The following PDRG1 variants were observed in gnomAD, a reference collection of about 807,000 sequenced individuals.
The protein encoded by PDRG1 is p53 and DNA damage regulated 1, also known as p53 and DNA damage-regulated protein 1.
PDRG1 carries 14 observed loss-of-function variants against 18.4 expected under a neutral mutation model. That is an observed-to-expected ratio of 0.76 (90% confidence interval 0.50 to 1.19). The LOEUF (loss-of-function observed/expected upper bound fraction) is 1.19, where lower values mean the gene tolerates loss of function less well. PDRG1 is among the 50% of genes most tolerant of loss of function. PDRG1 has a pLI of 0.00. For missense variants in PDRG1, 177 were observed against 160.1 expected, an observed-to-expected ratio of 1.11 and a Z score of -0.57; for synonymous variants, 65 against 60.9, an observed-to-expected ratio of 1.07 and a Z score of -0.31.
At chr20:31,950,435 G>T in intron 1 of PDRG1, 48 bp from the exon 2 acceptor site, 1 of 1,417,058 alleles carries the variant, frequency 7.1e-7, no homozygotes, top group Non-Finnish European at 1.0e-6. Context: ...CTTGCCCCAA[G>T]CTGTCACCTC....
rs1568860881 is a variant in PDRG1, at chr20:31,946,482, T to C, written c.319+14A>G. ...CCCTCCCCTTCTTATCTCCAGTCCC[T>C]GCTAAGCCAATACCTTGGGCCTCAA... is the stretch of plus-strand genomic sequence containing the variant. On this transcript the variant is annotated intron_variant, in intron 4 of 4. Coordinates refer to ENST00000202017, the MANE Select transcript of PDRG1 (RefSeq NM_030815.3). The C allele has an allele frequency of 6.3e-7, 1 of 1,588,642 alleles. No individual in the cohort carries two copies. The highest frequency in any genetic ancestry group is 2.2e-5 in the East Asian group (1 of 44,752).
chr20:31,947,380 GATA>G lies in PDRG1; in HGVS notation c.239-807_239-805del, dbSNP rs1434580496. Among the ~76,000 whole-genome samples the G allele has an allele frequency of 1.2e-3, 182 of 152,292 alleles. 1 individual carries two copies. The highest frequency in any genetic ancestry group is 4.2e-3 in the African/African-American group (174 of 41,560). ...GCCTATGTTGATCCCCAAGAAATCT[GATA>G]ATGTCTCAGAACCCCTCTAGGTACA... On this transcript the variant is annotated intron_variant, in intron 3 of 4. Coordinates refer to ENST00000202017, the MANE Select transcript of PDRG1 (RefSeq NM_030815.3).
At chr20:31,948,063 C>G (rs1461784965) in intron 3 of PDRG1, among the ~76,000 whole-genome samples, 1 of 152,156 alleles carries the variant, frequency 6.6e-6, no homozygotes, top group South Asian at 2.1e-4. Flanking sequence ...CTTTAAGATG[C>G]TTTTCCAAAG....
At chr20:31,946,733 G>C (rs553397777) in intron 3 of PDRG1, among the ~76,000 whole-genome samples, 157 bp from the exon 4 acceptor site, 1 of 152,294 alleles carries the variant, frequency 6.6e-6, no homozygotes, top group South Asian at 2.1e-4. Context: ...AAGTCTAGAA[G>C]GGACATGACC....
intron 3 of PDRG1, 91 bp downstream of exon 3, chr20:31,948,717 C>T (rs41293124): frequency 1.2e-4 from 148 of 1,217,790 alleles, no homozygotes; most frequent in South Asian, 3.6e-4. Flanking sequence ...CCTCTCCTTA[C>T]GCTGCCTGAA....
chr20:31,946,839 T>C (rs993545050), intron 3 of PDRG1, among the ~76,000 whole-genome samples: 3 of 152,190 alleles, frequency 2.0e-5, no homozygotes, highest in Non-Finnish European at 4.4e-5. Context: ...GGGTGGTCAG[T>C]GGATGGAGAA....
In PDRG1 at chr20:31,944,544, T is replaced by C. The variant is rs920264261; in HGVS notation, c.*1263A>G. 2.0e-5 allele frequency: 3 copies of C among 152,324 alleles called. No homozygotes were observed. Among genetic ancestry groups the C allele is most frequent in the African/African-American group, 7.2e-5 (3 of 41,456 alleles). The allele number at this position is 152,324 out of a possible 1,614,324, so 9.4% of individuals were successfully genotyped here. A position where few individuals can be genotyped will look rare whatever the true frequency, so the allele number is the denominator to read the frequency against. ...AGCTTATAAGACACCAGCCTTCCCC[T>C]TGCTTTCCTCACTTGATGTATCTTG... On this transcript the variant is annotated 3_prime_UTR_variant, in exon 5 of 5. Coordinates refer to ENST00000202017, the MANE Select transcript of PDRG1 (RefSeq NM_030815.3).
At position 31,946,550 on chromosome 20, in the gene PDRG1, C is replaced by T; in HGVS notation, c.265G>A (p.Glu89Lys). ...ACTTTAAGTTGCTTCCGCAGTTTTT[C>T]TATTTCTTTATCCAGATGATCTTGA... ...KDQDHLDKEI[E>K]KLRKQLKVKV... The change falls in exon 4 of 5, where the codon GAA (glutamate) becomes AAA (lysine). Residue 89 changes from glutamate (E) to lysine (K), a missense_variant. Coordinates refer to ENST00000202017, the MANE Select transcript of PDRG1 (RefSeq NM_030815.3). 6.2e-7 allele frequency: 1 copy of T among 1,613,312 alleles called. No individual in the cohort carries two copies. The highest frequency in any genetic ancestry group is 8.5e-7 in the Non-Finnish European group (1 of 1,179,308).
Position 31,948,884 on chromosome 20 carries a change from T to C in PDRG1, c.164-2A>G. 1 of 1,613,552 alleles carries C rather than the reference T, an allele frequency of 6.2e-7. No homozygotes were observed. Among genetic ancestry groups the C allele is most frequent in the Non-Finnish European group, 8.5e-7 (1 of 1,179,734 alleles). ...TCCCGAAGCAAACCATCACATCTTC[T>C]GAAAGAGCAAATAGTAATTCCTTCA... is the stretch of plus-strand genomic sequence containing the variant. On this transcript the variant is annotated splice_acceptor_variant, in intron 2 of 4. Transcript: ENST00000202017. LOFTEE classifies it high-confidence loss of function.
At chr20:31,949,667 A>G (rs1313641383) in intron 2 of PDRG1, among the ~76,000 whole-genome samples, 1 of 151,956 alleles carries the variant, frequency 6.6e-6, no homozygotes, top group East Asian at 1.9e-4. Flanking sequence ...TGATATTGGC[A>G]CACTCATGGA....
chr20:31,949,825 C>T (rs555411852), intron 2 of PDRG1, among the ~76,000 whole-genome samples: 10 of 152,252 alleles, frequency 6.6e-5, no homozygotes, highest in African/African-American at 2.2e-4. Flanking sequence ...TTCATTATGG[C>T]CTGGTCTCTG....
intron 3 of PDRG1, among the ~76,000 whole-genome samples, chr20:31,947,181 T>G (rs111829529): frequency 3.9e-5 from 6 of 152,330 alleles, no homozygotes; most frequent in African/African-American, 1.2e-4. Context: ...GATTGACCAA[T>G]TGACTGAAGT....
Position 31,946,478 on chromosome 20 carries a change from T to C in PDRG1, c.319+18A>G. 6.3e-7 allele frequency: 1 copy of C among 1,580,222 alleles called. No individual in the cohort carries two copies. Among genetic ancestry groups the C allele is most frequent in the Non-Finnish European group, 8.7e-7 (1 of 1,149,332 alleles). On this transcript the variant is annotated intron_variant, in intron 4 of 4. Transcript: ENST00000202017. ...GATTCCCTCCCCTTCTTATCTCCAG[T>C]CCCTGCTAAGCCAATACCTTGGGCC...
In PDRG1 at chr20:31,945,150, C is replaced by T. The variant is rs1343364372; in HGVS notation, c.*657G>A. 6.6e-6 allele frequency: 1 copy of T among 152,324 alleles called. No individual in the cohort carries two copies. The highest frequency in any genetic ancestry group is 1.5e-5 in the Non-Finnish European group (1 of 68,130). The allele number at this position is 152,324 out of a possible 1,614,324, so 9.4% of individuals were successfully genotyped here. A position where few individuals can be genotyped will look rare whatever the true frequency, so the allele number is the denominator to read the frequency against. ...ATATGGTAAGAGGCGCATCCACTCA[C>T]CCAGGCCTGGTGCAGGACTCTGCAA... On this transcript the variant is annotated 3_prime_UTR_variant, in exon 5 of 5. Coordinates refer to ENST00000202017, the MANE Select transcript of PDRG1 (RefSeq NM_030815.3).
In PDRG1 at chr20:31,946,589, G is replaced by A. The variant is rs368914066; in HGVS notation, c.239-13C>T. The A allele has an allele frequency of 1.9e-6, 3 of 1,598,336 alleles. No individual in the cohort carries two copies. Among genetic ancestry groups the A allele is most frequent in the Non-Finnish European group, 1.7e-6 (2 of 1,166,172 alleles). Reference sequence around the variant, plus strand: ...AGATGATCTTGATCTGAAAAAATGAGGGGGGCAAGCAGAGGATAAGATTGT... The same window carrying A: ...AGATGATCTTGATCTGAAAAAATGAAGGGGGCAAGCAGAGGATAAGATTGT... On this transcript the variant is annotated splice_polypyrimidine_tract_variant and intron_variant, in intron 3 of 4. Transcript: ENST00000202017.
At chr20:31,949,974 A>G (rs1170649375) in intron 2 of PDRG1, among the ~76,000 whole-genome samples, 1 of 151,952 alleles carries the variant, frequency 6.6e-6, no homozygotes, top group African/African-American at 2.4e-5. Flanking sequence ...CTTTCTTACA[A>G]TTTTCAATTA....
rs926842482 is a variant in PDRG1 at position 31,945,344 on chromosome 20, C to A, written c.*463G>T. The A allele has an allele frequency of 6.5e-6, 1 of 153,344 alleles. No individual in the cohort carries two copies. The highest frequency in any genetic ancestry group is 1.5e-5 in the Non-Finnish European group (1 of 68,550). The allele number at this position is 153,344 out of a possible 1,614,324, so 9.5% of individuals were successfully genotyped here. On this transcript the variant is annotated 3_prime_UTR_variant, in exon 5 of 5. Coordinates refer to ENST00000202017, the MANE Select transcript of PDRG1 (RefSeq NM_030815.3). ...CAAGATTCTGTTCTTCATTCAGCAA[C>A]CACCCATGAGCCTCCTGCTTTATTC...
At chr20:31,948,975 C>A in intron 2 of PDRG1, 93 bp from the exon 3 acceptor site, 5 of 1,209,414 alleles carry the variant, frequency 4.1e-6, no homozygotes, top group Non-Finnish European at 5.9e-6. Flanking sequence ...CAGAGCAGAA[C>A]AAGAAAAAGT....
chr20:31,951,828 C>A, intron 1 of PDRG1, 47 bp downstream of exon 1: 1 of 1,523,074 alleles, frequency 6.6e-7, no homozygotes, highest in East Asian at 2.5e-5. Flanking sequence ...GCGCGCTTTC[C>A]CACGGCGCCG....
Sources: allele counts gnomAD v4.1 joint callset (sites outside exome capture counted in the v4.1 genomes callset), GRCh38; gene constraint gnomAD v4.1.1; transcripts MANE v1.5; gene names NCBI Gene and HGNC (gene_info 2026-07-23, HGNC 2026-07-21).